RAI14: variants seen among roughly 807,000 people sequenced by gnomAD.
RAI14 encodes the protein ankycorbin.
In RAI14, 45 loss-of-function variants were observed where a neutral mutation model predicts 115.4. That is an observed-to-expected ratio of 0.39 (90% CI 0.31 to 0.50). RAI14 has a LOEUF of 0.50. Among genes scored for constraint, RAI14 ranks in the 20% least tolerant of loss-of-function variants. RAI14 has a pLI of 0.85. For missense variants in RAI14, 939 were observed against 1,131.2 expected (o/e 0.83, Z 2.44); for synonymous variants, 371 against 415.4 (o/e 0.89, Z 1.30).
intron 13 of RAI14, 31 bp from the exon 14 acceptor site, chr5:34,821,701 T>C (rs1458192787): frequency 7.9e-7 from 1 of 1,261,346 alleles, no homozygotes; most frequent in Non-Finnish European, 1.2e-6. Flanking sequence ...TTTAATTGTT[T>C]TATATTTTAA....
chr5:34,801,199 G>A (rs1056450107), intron 4 of RAI14, among the ~76,000 whole-genome samples: 2 of 152,110 alleles, frequency 1.3e-5, no homozygotes, highest in African/African-American at 4.8e-5. Context: ...CTCCTTTTGG[G>A]AGGGGACAGA....
rs138334438 is a variant in RAI14 at position 34,671,039 on chromosome 5, A to G, written c.-49+14564A>G. 3.5e-3 allele frequency among the ~76,000 whole-genome samples: 534 copies of G among 152,282 alleles called. 2 individuals carry two copies. The highest frequency in any genetic ancestry group is 0.012 in the African/African-American group (501 of 41,556). ...GTTTTTTTGGTTTTCAGCCTCCACT[A>G]CAGAAAACTTGGGGCTAGGATAAGC... On this transcript the variant is annotated intron_variant, in intron 1 of 17. Transcript: ENST00000265109.
chr5:34,818,973 C>G, intron 13 of RAI14, 122 bp downstream of exon 13: 5 of 801,330 alleles, frequency 6.2e-6, no homozygotes, highest in Non-Finnish European at 9.9e-6. Context: ...CATGTCCACA[C>G]AGAGCTGCCA....
intron 4 of RAI14, 149 bp downstream of exon 4, chr5:34,796,176 C>T (rs1045202729): frequency 5.0e-6 from 3 of 598,582 alleles, no homozygotes; most frequent in Non-Finnish European, 8.9e-6. Context: ...GTGTGGATCA[C>T]TTGAGGCCAG....
At chr5:34,736,210 G>GA (rs1266967937) in intron 2 of RAI14, among the ~76,000 whole-genome samples, 3 of 152,202 alleles carry the variant, frequency 2.0e-5, no homozygotes, top group African/African-American at 7.2e-5. Flanking sequence ...ACACCAGGCT[G>GA]GCCAACATGG....
chr5:34,826,697 AC>A lies in RAI14; in HGVS notation c.2799+219del, dbSNP rs1757488248. Among the ~76,000 whole-genome samples the A allele has an allele frequency of 2.0e-5, 3 of 152,224 alleles. No homozygotes were observed. The South Asian group carries it at 6.2e-4, about 32-fold the overall frequency. On this transcript the variant is annotated intron_variant, in intron 16 of 17. Coordinates refer to ENST00000265109, the MANE Select transcript of RAI14 (RefSeq NM_015577.3). ...CAGCAATGCAACGGGTCAGATATTC[AC>A]TGGGAAGGAAAGAACCGACAGGACA...
chr5:34,729,925 T>TA (rs1463154958), intron 2 of RAI14, among the ~76,000 whole-genome samples: 1 of 152,224 alleles, frequency 6.6e-6, no homozygotes, highest in East Asian at 1.9e-4. Flanking sequence ...TAATTTTTTC[T>TA]AAAGATGTGT....
chr5:34,750,844 T>C (rs1216543051), intron 2 of RAI14, among the ~76,000 whole-genome samples: 1 of 129,412 alleles, frequency 7.7e-6, no homozygotes, highest in Non-Finnish European at 1.6e-5. Context: ...TACTTTGCTT[T>C]ATCATTTTTT....
intron 3 of RAI14, among the ~76,000 whole-genome samples, chr5:34,780,524 A>G (rs1349577080): frequency 3.3e-5 from 5 of 152,234 alleles, no homozygotes; most frequent in African/African-American, 9.6e-5. Context: ...ACAAATTTAC[A>G]AGAAAAAAAC....
intron 3 of RAI14, chr5:34,757,811 T>C: frequency 2.5e-6 from 1 of 405,114 alleles, no homozygotes; most frequent in East Asian, 4.8e-5. Context: ...TTCCCAAGTA[T>C]AAGCAAAGGT....
chr5:34,808,811 T>G (rs1459920800), intron 7 of RAI14, among the ~76,000 whole-genome samples, 157 bp downstream of exon 7: 1 of 152,036 alleles, frequency 6.6e-6, no homozygotes, highest in Non-Finnish European at 1.5e-5. Context: ...TGGATGGGGG[T>G]GGGGATGGTT....
rs201381222 is a variant in RAI14, at chr5:34,823,328, A to G, written c.1486A>G (p.Met496Val). The change falls in exon 15 of 18, where the codon ATG (methionine) becomes GTG (valine). Residue 496 changes from methionine to valine, a missense_variant. By Grantham distance (21) the Met-to-Val change is conservative. Coordinates refer to ENST00000265109, the MANE Select transcript of RAI14 (RefSeq NM_015577.3). The surrounding 1 kb of genome is among the most constrained non-coding windows in gnomAD (Gnocchi z 4.5). Reference sequence around the variant, plus strand: ...AACTCAGAGCAAATACGAGGAGGCTATGAAAGAAGTCCTTAGTGTGCAGAA... The same window carrying G: ...AACTCAGAGCAAATACGAGGAGGCTGTGAAAGAAGTCCTTAGTGTGCAGAA... Reference protein sequence around the residue: ...KETQSKYEEAMKEVLSVQKQM... With the variant: ...KETQSKYEEAVKEVLSVQKQM... 7.4e-6 allele frequency: 12 copies of G among 1,614,036 alleles called. No homozygotes were observed. The highest frequency in any genetic ancestry group is 6.7e-5 in the East Asian group (3 of 44,880).
intron 2 of RAI14, among the ~76,000 whole-genome samples, chr5:34,704,443 C>T (rs1740439215): frequency 6.6e-6 from 1 of 152,182 alleles, no homozygotes; most frequent in Non-Finnish European, 1.5e-5. Context: ...CAATTATTAT[C>T]ACTAAGAGTT....
At chr5:34,755,271 T>TG (rs1362281871) in intron 2 of RAI14, among the ~76,000 whole-genome samples, 6 of 152,164 alleles carry the variant, frequency 3.9e-5, no homozygotes, top group African/African-American at 1.4e-4. Context: ...GAAGCTTGAT[T>TG]GGTAACTAAA....
At chr5:34,745,038 T>C (rs1349779089) in intron 2 of RAI14, among the ~76,000 whole-genome samples, 2 of 152,324 alleles carry the variant, frequency 1.3e-5, no homozygotes, top group South Asian at 2.1e-4. Context: ...ACACCAATCA[T>C]TGGATTTTGG....
intron 1 of RAI14, among the ~76,000 whole-genome samples, chr5:34,673,479 G>T (rs1286287322): frequency 2.0e-5 from 3 of 152,214 alleles, no homozygotes; most frequent in Non-Finnish European, 2.9e-5. Context: ...CTTCAGGAAT[G>T]GGCTGAGCAG....
intron 16 of RAI14, 119 bp downstream of exon 16, chr5:34,826,598 C>A: frequency 1.5e-6 from 2 of 1,292,036 alleles, no homozygotes; most frequent in Non-Finnish European, 2.1e-6. Flanking sequence ...AAGGAATGTA[C>A]TTCAATGAGC....
rs1757101282 is a variant in RAI14 at position 34,823,245 on chromosome 5, G to A, written c.1403G>A (p.Cys468Tyr). The A allele has an allele frequency of 1.2e-6, 2 of 1,614,044 alleles. No homozygotes were observed. Among genetic ancestry groups the A allele is most frequent in the Non-Finnish European group, 1.7e-6 (2 of 1,180,032 alleles). ...CAATCCCGAAGGGCAGAACTGGTAT[G>A]CTTAAACAACACTGAGATTTCAGAG... ...ELQSRRAELV[C>Y]LNNTEISENS... The change falls in exon 15 of 18, where the codon TGC (cysteine) becomes TAC (tyrosine). Residue 468 changes from cysteine (C) to tyrosine (Y), a missense_variant. Physicochemically the swap from Cys to Tyr is radical, Grantham distance 194. Transcript: ENST00000265109. The surrounding 1 kb of genome is among the most constrained non-coding windows in gnomAD (Gnocchi z 4.5).
At chr5:34,770,572 C>G (rs963833164) in intron 3 of RAI14, among the ~76,000 whole-genome samples, 4 of 152,186 alleles carry the variant, frequency 2.6e-5, no homozygotes, top group Admixed American at 2.6e-4. Flanking sequence ...GAGAAGGAAG[C>G]CCTCTCAGCA....
Sources: allele counts gnomAD v4.1 joint callset (sites outside exome capture counted in the v4.1 genomes callset), GRCh38; gene constraint gnomAD v4.1.1; non-coding constraint Gnocchi (gnomAD v3.1); transcripts MANE v1.5; gene names NCBI Gene and HGNC (gene_info 2026-07-23, HGNC 2026-07-21).